SHC2: variants seen among roughly 807,000 people sequenced by gnomAD.
The protein encoded by SHC2 is SHC-transforming protein 2.
A neutral mutation model predicts 60.6 loss-of-function variants in SHC2; 62 were observed. The observed-to-expected ratio is 1.02, with a 90% CI of 0.83 to 1.26. SHC2 has a LOEUF of 1.26. Ranked by LOEUF, SHC2 falls within the 50% of genes most tolerant of loss-of-function variation. The probability of loss-of-function intolerance (pLI) is 0.00; values close to 1 mark genes in which losing one functional copy is unlikely to be tolerated. For missense variants in SHC2, 873 were observed against 822.2 expected, an observed-to-expected ratio of 1.06 and a Z score of -0.76; for synonymous variants, 375 against 372.4, an observed-to-expected ratio of 1.01 and a Z score of -0.08.
chr19:428,564 C>G lies in SHC2; in HGVS notation c.1174+2120G>C, dbSNP rs768243951. Among the ~76,000 whole-genome samples the G allele has an allele frequency of 2.6e-5, 4 of 152,202 alleles. No homozygotes were observed. In the South Asian group the frequency reaches 8.3e-4, roughly 32 times the overall value. On this transcript the variant is annotated intron_variant, in intron 9 of 12. Transcript: ENST00000264554. ...CTATCTGCAAAAACAAGGGCTATGA[C>G]GCACGTTTGAACTGGCTTGAATATC...
At chr19:434,927 G>A (rs1321378650) in intron 7 of SHC2, 62 bp from the exon 8 acceptor site, 6 of 1,518,078 alleles carry the variant, frequency 4.0e-6, no homozygotes, top group Non-Finnish European at 5.3e-6. Context: ...AAGCCTTACG[G>A]CTTGAGCTTC....
rs1452740436 is a variant in SHC2, at chr19:430,744, G to A, written c.1114C>T (p.Pro372Ser). 6.2e-7 allele frequency: 1 copy of A among 1,612,852 alleles called. No homozygotes were observed. The highest frequency in any genetic ancestry group is 1.7e-5 in the Admixed American group (1 of 59,976). The part of the protein sequence containing the change: ...PCALTALDQG[P>S]SPSLRDACSL... Reference sequence around the variant, plus strand: ...CAGGCATCTCTTAGAGAAGGAGATGGGCCCTGGAAACAGAGCAGTGAGAGG... The same window carrying A: ...CAGGCATCTCTTAGAGAAGGAGATGAGCCCTGGAAACAGAGCAGTGAGAGG... The change falls in exon 9 of 13, where the codon CCA (proline) becomes TCA (serine). Residue 372 changes from proline (P) to serine (S), a missense_variant. Transcript: ENST00000264554.
chr19:418,326 C>G (rs1974198818), intron 12 of SHC2, among the ~76,000 whole-genome samples: 1 of 152,254 alleles, frequency 6.6e-6, no homozygotes, highest in Admixed American at 6.5e-5. Context: ...ACGCCCACCA[C>G]AGCCGACCGC....
Position 439,022 on chromosome 19 carries a change from A to C in SHC2, c.548T>G (p.Ile183Ser). ...NTRTQVTREA[I>S]NRLHEAVPGV... ...AGGCACGGCCTCATGGAGCCGGTTGATGGCTTCCCTGGGGTTGGGAGGAGG... is the reference window on the plus strand; with the variant it reads ...AGGCACGGCCTCATGGAGCCGGTTGCTGGCTTCCCTGGGGTTGGGAGGAGG... The change falls in exon 3 of 13, where the codon ATC becomes AGC. Residue 183 changes from isoleucine (I) to serine (S), a missense_variant. Physicochemically the swap from Ile to Ser is moderately radical, Grantham distance 142. Coordinates refer to ENST00000264554, the MANE Select transcript of SHC2 (RefSeq NM_012435.3). 7.0e-7 allele frequency: 1 copy of C among 1,430,762 alleles called. No homozygotes were observed. Among genetic ancestry groups the C allele is most frequent in the South Asian group, 1.2e-5 (1 of 85,782 alleles). The allele number at this position is 1,430,762 out of a possible 1,614,324, so 88.6% of individuals were successfully genotyped here. A position where few individuals can be genotyped will look rare whatever the true frequency, so the allele number is the denominator to read the frequency against.
intron 8 of SHC2, among the ~76,000 whole-genome samples, chr19:431,953 C>T (rs1409769102): frequency 1.4e-4 from 3 of 21,626 alleles, no homozygotes; most frequent in African/African-American, 4.7e-4. Context: ...AGATAGATGG[C>T]GCTTCATCGT....
intron 1 of SHC2, among the ~76,000 whole-genome samples, chr19:448,753 G>A (rs1975106448): frequency 6.6e-6 from 1 of 152,160 alleles, no homozygotes; most frequent in Non-Finnish European, 1.5e-5. Flanking sequence ...CAAACACCAG[G>A]CAGACACAAA....
rs531004068 is a variant in SHC2, at chr19:446,551, C to T, written c.469-5619G>A. Among the ~76,000 whole-genome samples the T allele has an allele frequency of 1.3e-4, 20 of 152,152 alleles. No homozygotes were observed. The East Asian group carries it at 1.5e-3, about 12-fold the overall frequency. On this transcript the variant is annotated intron_variant, in intron 1 of 12. Coordinates refer to ENST00000264554, the MANE Select transcript of SHC2 (RefSeq NM_012435.3). This position sits in a 1 kb window ranked among gnomAD's most constrained non-coding sequence, Gnocchi z 5.4. Reference sequence around the variant, plus strand: ...GTCTCGATCTCTTGACCTTGTGATCCGCCTCGGTCTCCCAAAGTGCTGGGA... The same window carrying T: ...GTCTCGATCTCTTGACCTTGTGATCTGCCTCGGTCTCCCAAAGTGCTGGGA...
intron 4 of SHC2, 33 bp from the exon 5 acceptor site, chr19:436,716 G>C: frequency 6.3e-7 from 1 of 1,592,276 alleles, no homozygotes; most frequent in Non-Finnish European, 8.5e-7. Flanking sequence ...CGGTCATGGG[G>C]GCCCCGCTTC....
chr19:430,443 C>A (rs535587449), intron 9 of SHC2, among the ~76,000 whole-genome samples: 2 of 152,068 alleles, frequency 1.3e-5, no homozygotes, highest in South Asian at 2.1e-4. Flanking sequence ...CCAACATGCA[C>A]GGAAACCTAA....
intron 1 of SHC2, among the ~76,000 whole-genome samples, chr19:452,467 T>C (rs1043767996): frequency 7.6e-6 from 1 of 131,948 alleles, no homozygotes; most frequent in Non-Finnish European, 1.6e-5. Context: ...GTTTCTCCAT[T>C]TCATTGAGGT....
intron 1 of SHC2, among the ~76,000 whole-genome samples, chr19:460,197 G>A (rs908832779): frequency 3.9e-5 from 6 of 152,172 alleles, no homozygotes; most frequent in African/African-American, 1.2e-4. Flanking sequence ...GCTGTCCGGG[G>A]GGCTCCGGTG....
At chr19:448,788 G>A (rs969191525) in intron 1 of SHC2, among the ~76,000 whole-genome samples, 16 of 152,106 alleles carry the variant, frequency 1.1e-4, no homozygotes, top group Admixed American at 2.6e-4. Flanking sequence ...CCCAGCAGCC[G>A]GTGTGCACTC....
At chr19:428,700 G>C (rs1050183005) in intron 9 of SHC2, among the ~76,000 whole-genome samples, 1 of 152,212 alleles carries the variant, frequency 6.6e-6, no homozygotes, top group Non-Finnish European at 1.5e-5. Context: ...ATTGCTCATT[G>C]AACGGCTTTT....
chr19:421,071 G>A (rs1213105050), intron 11 of SHC2, among the ~76,000 whole-genome samples: 1 of 147,280 alleles, frequency 6.8e-6, no homozygotes, highest in African/African-American at 2.5e-5. Context: ...AGGAAAGGAA[G>A]AAAAGAAGAA....
At chr19:434,386 CTGAG>C (rs1478167792) in intron 8 of SHC2, among the ~76,000 whole-genome samples, 2 of 1,592 alleles carry the variant, frequency 1.3e-3, no homozygotes, top group Admixed American at 6.8e-3. Flanking sequence ...GATGATGAGT[CTGAG>C]TGAGATCGTG....
rs769147870 is a variant in SHC2, at chr19:438,864, G to T, written c.601-27C>A. ...TGAGTTGGGGGCGGAGCACAGCGAG[G>T]GCGGCTGTGGGTGGGGGCTGTCGAG... On this transcript the variant is annotated intron_variant, in intron 3 of 12. Transcript: ENST00000264554. This position sits in a 1 kb window ranked among gnomAD's most constrained non-coding sequence, Gnocchi z 5.0. 1 of 1,557,262 alleles carries T rather than the reference G, an allele frequency of 6.4e-7. No homozygotes were observed. Among genetic ancestry groups the T allele is most frequent in the East Asian group, 2.4e-5 (1 of 41,358 alleles).
intron 1 of SHC2, among the ~76,000 whole-genome samples, chr19:442,822 G>A (rs1315532126): frequency 1.5e-5 from 2 of 136,684 alleles, no homozygotes; most frequent in African/African-American, 5.5e-5. Context: ...TGGATGGGTG[G>A]ATGGGTGGGT....
chr19:460,850 C>T lies in SHC2; in HGVS notation c.147G>A (p.Ala49=), dbSNP rs1487892804. The T allele has an allele frequency of 2.0e-6, 2 of 985,008 alleles. No homozygotes were observed. The highest frequency in any genetic ancestry group is 1.8e-5 in the African/African-American group (1 of 56,580). The allele number at this position is 985,008 out of a possible 1,614,324, so 61.0% of individuals were successfully genotyped here. Residue 49 remains alanine, a synonymous_variant, in exon 1 of 13, where the codon GCG becomes GCA. Transcript: ENST00000264554. ...CCGAGGCCCCAGCCGCCCGCGCCGC[C>T]GCCGGGCCGCGGCCCAGGAAGCCGC... ...APGGFLGRGP[A]AARAAGASGG...
At chr19:427,563 T>G (rs1308679490) in intron 9 of SHC2, among the ~76,000 whole-genome samples, 1 of 120,870 alleles carries the variant, frequency 8.3e-6, no homozygotes, top group African/African-American at 3.3e-5. Flanking sequence ...GAAGGGGAAT[T>G]GCGCACGGCA....
Sources: gnomAD v4.1 joint callset for allele counts (sites outside exome capture counted in the v4.1 genomes callset) on GRCh38, gnomAD v4.1.1 for gene constraint, Gnocchi (gnomAD v3.1) non-coding constraint, MANE v1.5 for transcripts, NCBI Gene and HGNC (gene_info 2026-07-23, HGNC 2026-07-21) for gene names.